GRIA1: variants seen among roughly 807,000 people sequenced by gnomAD.
The protein encoded by GRIA1 is glutamate receptor 1.
Under a neutral mutation model 99.2 loss-of-function variants are expected in GRIA1, and 31 were observed. That is an observed-to-expected ratio of 0.31 (90% CI 0.23 to 0.42). The LOEUF is 0.42. Among genes scored for constraint, GRIA1 ranks in the 10% least tolerant of loss-of-function variants. The probability of loss-of-function intolerance (pLI) is 1.00; values close to 1 mark genes in which losing one functional copy is unlikely to be tolerated. For missense variants in GRIA1, 782 were observed against 1,157.5 expected, an observed-to-expected ratio of 0.68 and a Z score of 4.71; for synonymous variants, 438 against 432.4, an observed-to-expected ratio of 1.01 and a Z score of -0.16.
intron 13 of GRIA1, among the ~76,000 whole-genome samples, chr5:153,793,883 C>A (rs535384262): frequency 1.3e-5 from 2 of 152,298 alleles, no homozygotes; most frequent in African/African-American, 4.8e-5. Flanking sequence ...ATCCTCACTG[C>A]CTTTCTCTTT....
intron 2 of GRIA1, among the ~76,000 whole-genome samples, chr5:153,622,800 G>GA (rs1009709096): frequency 3.9e-5 from 6 of 152,040 alleles, no homozygotes; most frequent in Admixed American, 2.0e-4. Flanking sequence ...CAGTGAACAA[G>GA]AAAAAAATCT....
At chr5:153,729,981 A>C (rs1021511978) in intron 11 of GRIA1, among the ~76,000 whole-genome samples, 1 of 152,106 alleles carries the variant, frequency 6.6e-6, no homozygotes, top group African/African-American at 2.4e-5. Flanking sequence ...TGAGTAAAAA[A>C]ATGCCCATTA....
At chr5:153,787,687 C>G (rs1195322398) in intron 13 of GRIA1, among the ~76,000 whole-genome samples, 1 of 152,152 alleles carries the variant, frequency 6.6e-6, no homozygotes, top group Non-Finnish European at 1.5e-5. Context: ...GGCTGATGGT[C>G]CTCGCAGGTC....
intron 2 of GRIA1, among the ~76,000 whole-genome samples, chr5:153,530,797 G>A (rs566511533): frequency 7.9e-5 from 12 of 152,294 alleles, no homozygotes; most frequent in African/African-American, 2.2e-4. Flanking sequence ...GGATATGTCT[G>A]GACTTGGAAG....
At chr5:153,570,814 T>C (rs1040026111) in intron 2 of GRIA1, among the ~76,000 whole-genome samples, 1 of 152,208 alleles carries the variant, frequency 6.6e-6, no homozygotes, top group Non-Finnish European at 1.5e-5. Context: ...AAGTGCTTCA[T>C]AACAATTGAG....
intron 2 of GRIA1, among the ~76,000 whole-genome samples, chr5:153,586,905 G>A (rs1446914470): frequency 2.0e-5 from 3 of 152,190 alleles, no homozygotes; most frequent in South Asian, 4.1e-4. Context: ...TCCACTTGAG[G>A]CACGTTTCCA....
At chr5:153,715,886 G>T (rs556577907) in intron 11 of GRIA1, among the ~76,000 whole-genome samples, 33 of 152,286 alleles carry the variant, frequency 2.2e-4, no homozygotes, top group African/African-American at 7.5e-4. Flanking sequence ...TTAATCAAGA[G>T]AAAATCGGCT....
chr5:153,571,662 T>C (rs1160988403), intron 2 of GRIA1, among the ~76,000 whole-genome samples: 1 of 152,204 alleles, frequency 6.6e-6, no homozygotes, highest in African/African-American at 2.4e-5. Context: ...CGTAACTTCA[T>C]ATTTATCCCT....
chr5:153,639,603 T>C (rs185899946), intron 2 of GRIA1, among the ~76,000 whole-genome samples: 414 of 152,320 alleles, frequency 2.7e-3, no homozygotes, highest in Non-Finnish European at 4.8e-3. Context: ...TCTCACATCA[T>C]CCCATTTTAT....
chr5:153,701,400 G>T (rs1486854819), intron 10 of GRIA1, among the ~76,000 whole-genome samples: 1 of 151,900 alleles, frequency 6.6e-6, no homozygotes, highest in Non-Finnish European at 1.5e-5. Context: ...GGATCACGAG[G>T]TCAGGAGATC....
intron 2 of GRIA1, chr5:153,525,485 T>TGTA (rs1757508383): frequency 6.6e-6 from 1 of 151,880 alleles, no homozygotes; most frequent in Non-Finnish European, 1.5e-5. Context: ...ATACCTACTA[T>TGTA]GTACCACAAA....
intron 11 of GRIA1, among the ~76,000 whole-genome samples, chr5:153,726,070 C>A (rs1428547497): frequency 1.3e-5 from 2 of 151,788 alleles, no homozygotes; most frequent in African/African-American, 4.8e-5. Flanking sequence ...CAAACTAGAA[C>A]TCAGGATTAA....
chr5:153,528,402 T>G (rs1464808826), intron 2 of GRIA1, among the ~76,000 whole-genome samples: 2 of 152,180 alleles, frequency 1.3e-5, no homozygotes, highest in African/African-American at 4.8e-5. Context: ...CCCACTATTC[T>G]AGTCCTCACT....
chr5:153,590,171 G>A (rs532424281), intron 2 of GRIA1, among the ~76,000 whole-genome samples: 2 of 152,222 alleles, frequency 1.3e-5, no homozygotes, highest in African/African-American at 4.8e-5. Flanking sequence ...TGTCAACATT[G>A]TGGATTCAGA....
At chr5:153,743,475 G>A (rs2149578364) in intron 11 of GRIA1, among the ~76,000 whole-genome samples, 1 of 152,132 alleles carries the variant, frequency 6.6e-6, no homozygotes, top group South Asian at 2.1e-4. Context: ...GCAAAATTCA[G>A]TTTCTTGTAG....
At chr5:153,620,710 AAAATGGGG>A (rs1012878015) in intron 2 of GRIA1, among the ~76,000 whole-genome samples, 3 of 152,156 alleles carry the variant, frequency 2.0e-5, no homozygotes, top group African/African-American at 4.8e-5. Flanking sequence ...ACCTATTTAT[AAAATGGGG>A]AAACTGAGTC....
At chr5:153,542,815 A>C (rs755078947) in intron 2 of GRIA1, among the ~76,000 whole-genome samples, 8 of 152,092 alleles carry the variant, frequency 5.3e-5, no homozygotes, top group Non-Finnish European at 1.2e-4. Flanking sequence ...GTCCTTCCAT[A>C]GTGCCTTTTT....
At chr5:153,726,790 C>A (rs1447471045) in intron 11 of GRIA1, among the ~76,000 whole-genome samples, 1 of 152,116 alleles carries the variant, frequency 6.6e-6, no homozygotes, top group African/African-American at 2.4e-5. Flanking sequence ...GATTCACAGC[C>A]GAATTCTACC....
intron 4 of GRIA1, among the ~76,000 whole-genome samples, chr5:153,654,896 AC>A (rs2149463531): frequency 6.6e-6 from 1 of 152,286 alleles, no homozygotes; most frequent in African/African-American, 2.4e-5. Context: ...TGTAGTCTTA[AC>A]CATTCATTAT....
Sources: allele counts gnomAD v4.1 joint callset (sites outside exome capture counted in the v4.1 genomes callset), GRCh38; gene constraint gnomAD v4.1.1; transcripts MANE v1.5; gene names NCBI Gene and HGNC (gene_info 2026-07-23, HGNC 2026-07-21).